The following CYP4A11 variants were observed in gnomAD, a reference collection of about 807,000 sequenced individuals.
CYP4A11 encodes cytochrome P450 family 4 subfamily A member 11, also known as cytochrome P450 4A11.
A neutral mutation model predicts 57.7 loss-of-function variants in CYP4A11; 52 were observed. That is an observed-to-expected ratio of 0.90 (90% CI 0.72 to 1.14). The LOEUF (loss-of-function observed/expected upper bound fraction) is 1.14. Ranked by LOEUF, CYP4A11 falls within the 50% of genes most tolerant of loss-of-function variation. CYP4A11 has a pLI of 0.00. For missense variants in CYP4A11, 641 were observed against 642.1 expected (o/e 1.00, Z 0.02); for synonymous variants, 228 against 247.1 (o/e 0.92, Z 0.72).
chr1:46,941,106 G>T lies in CYP4A11; in HGVS notation c.195+133C>A, dbSNP rs563956851. ...ATGACTGGGAAAAGCTGAGACCAGA[G>T]AGGTAGGCTGGGTGTTCCTTTGAGT... On this transcript the variant is annotated intron_variant, in intron 1 of 11. Transcript: ENST00000310638. 14 of 1,431,804 alleles carry T rather than the reference G, an allele frequency of 9.8e-6. No homozygotes were observed. In the African/African-American group the frequency reaches 1.6e-4, roughly 16 times the overall value. 88.7% of individuals were successfully genotyped at this position (1,431,804 alleles called of 1,614,324 possible). A position where few individuals can be genotyped will look rare whatever the true frequency, so the allele number is the denominator to read the frequency against.
Position 46,937,997 on chromosome 1 carries a change from T to C in CYP4A11, c.336A>G (p.Ser112=). Reference sequence around the variant, plus strand: ...GTTGGGATGGGGGTTCGATCTCACCTGATCTCCCCAGAATCACCTTCATAT... The same window carrying C: ...GTTGGGATGGGGGTTCGATCTCACCCGATCTCCCCAGAATCACCTTCATAT... The part of the protein sequence containing the change: ...PDYMKVILGR[S]DPKSHGSYRF... The change falls in exon 2 of 12, where the codon TCA becomes TCG. Residue 112 remains serine (S), a splice_region_variant and synonymous_variant. Coordinates refer to ENST00000310638, the MANE Select transcript of CYP4A11 (RefSeq NM_000778.4). 1 of 1,614,092 alleles carries C rather than the reference T, an allele frequency of 6.2e-7. No homozygotes were observed. The highest frequency in any genetic ancestry group is 8.5e-7 in the Non-Finnish European group (1 of 1,180,016).
intron 3 of CYP4A11, 24 bp from the exon 4 acceptor site, chr1:46,936,815 T>TTGTGTG (rs35456301): frequency 4.1e-6 from 6 of 1,449,684 alleles, no homozygotes; most frequent in African/African-American, 1.4e-5. Context: ...GAATGTGTGT[T>TTGTGTG]TGTGTGTGTG....
At chr1:46,940,053 C>T (rs1022470279) in intron 1 of CYP4A11, among the ~76,000 whole-genome samples, 7 of 151,960 alleles carry the variant, frequency 4.6e-5, no homozygotes, top group East Asian at 3.9e-4. Context: ...TCCATGCAGC[C>T]GTTTACCTGC....
At chr1:46,940,342 A>G (rs1397868574) in intron 1 of CYP4A11, among the ~76,000 whole-genome samples, 2 of 152,220 alleles carry the variant, frequency 1.3e-5, no homozygotes, top group Non-Finnish European at 2.9e-5. Flanking sequence ...GTGTTGGGCC[A>G]CATTCAAAGC....
Position 46,941,462 on chromosome 1 carries a change from C to G in CYP4A11, c.-29G>C, listed in dbSNP as rs886764580. On this transcript the variant is annotated 5_prime_UTR_variant, in exon 1 of 12. Coordinates refer to ENST00000310638, the MANE Select transcript of CYP4A11 (RefSeq NM_000778.4). The stretch of plus-strand genomic sequence containing the variant: ...GCAGCACCTGCTGGATCTCTGAGTG[C>G]CCCTACCTCTCTCTGACCACCCCCG... The G allele has an allele frequency of 6.2e-7, 1 of 1,605,510 alleles. No homozygotes were observed. The highest frequency in any genetic ancestry group is 8.5e-7 in the Non-Finnish European group (1 of 1,174,390).
intron 2 of CYP4A11, 64 bp downstream of exon 2, chr1:46,937,932 C>G: frequency 1.3e-6 from 2 of 1,593,942 alleles, no homozygotes; most frequent in Non-Finnish European, 1.7e-6. Context: ...TGGAATTTTA[C>G]AGACCCAGGA....
rs900693133 is a variant in CYP4A11 at position 46,930,076 on chromosome 1, A to G, written c.*39T>C. 3 of 1,579,332 alleles carry G rather than the reference A, an allele frequency of 1.9e-6. No homozygotes were observed. Among genetic ancestry groups the G allele is most frequent in the Admixed American group, 1.7e-5 (1 of 57,504 alleles). On this transcript the variant is annotated 3_prime_UTR_variant, in exon 12 of 12. Transcript: ENST00000310638. ...ATATGGGCAGACAGGAAGGGGACAG[A>G]AGCGGGGGTCAGGAAGACAGGACGG...
In CYP4A11 at chr1:46,937,320, A is replaced by AT; in HGVS notation, c.363dup (p.Phe122IlefsTer32). Reference sequence around the variant, plus strand: ...CACATACCAATCCATGGAGCCAGGAATCTGTAGGAACCATGGGATTTCGGG... The same window carrying AT: ...CACATACCAATCCATGGAGCCAGGAATTCTGTAGGAACCATGGGATTTCGGG... On this transcript the variant is annotated frameshift_variant, in exon 3 of 12. Coordinates refer to ENST00000310638, the MANE Select transcript of CYP4A11 (RefSeq NM_000778.4). LOFTEE classifies it high-confidence loss of function. 3 of 1,614,130 alleles carry AT rather than the reference A, an allele frequency of 1.9e-6. No homozygotes were observed. In the Admixed American group the frequency reaches 5.0e-5, roughly 27 times the overall value.
intron 4 of CYP4A11, among the ~76,000 whole-genome samples, chr1:46,936,443 A>G (rs1164593268): frequency 6.6e-6 from 1 of 152,210 alleles, no homozygotes; most frequent in East Asian, 1.9e-4. Context: ...ATGAATCTCT[A>G]TTCCTATGGT....
chr1:46,932,441 A>C, intron 11 of CYP4A11: 1 of 1,174,874 alleles, frequency 8.5e-7, no homozygotes, highest in Non-Finnish European at 1.1e-6. Context: ...TTTACTGGAG[A>C]ATATCTAATT....
At chr1:46,938,570 T>C (rs1557560305) in intron 1 of CYP4A11, among the ~76,000 whole-genome samples, 1 of 152,214 alleles carries the variant, frequency 6.6e-6, no homozygotes, top group Non-Finnish European at 1.5e-5. Flanking sequence ...TCCCAGCATA[T>C]ACGGTAAATA....
In CYP4A11 at chr1:46,930,031, G is replaced by GTGGGCAGACAGAAAACAGGATA; in HGVS notation, c.*62_*83dup. 2 of 1,469,794 alleles carry GTGGGCAGACAGAAAACAGGATA rather than the reference G, an allele frequency of 1.4e-6. No homozygotes were observed. Among genetic ancestry groups the GTGGGCAGACAGAAAACAGGATA allele is most frequent in the Non-Finnish European group, 1.8e-6 (2 of 1,098,776 alleles). 91.0% of individuals were successfully genotyped at this position (1,469,794 alleles called of 1,614,324 possible). ...AGCAGGCAGGTGGGAAGAAGGGAAG[G>GTGGGCAGACAGAAAACAGGATA]TGGGCAGACAGAAAACAGGATATGG... On this transcript the variant is annotated 3_prime_UTR_variant, in exon 12 of 12. Coordinates refer to ENST00000310638, the MANE Select transcript of CYP4A11 (RefSeq NM_000778.4).
rs1350178106 is a variant in CYP4A11 at position 46,937,309 on chromosome 1, T to C, written c.375A>G (p.Pro125=). The C allele has an allele frequency of 1.2e-6, 2 of 1,614,016 alleles. No homozygotes were observed. The highest frequency in any genetic ancestry group is 1.1e-5 in the South Asian group (1 of 91,050). The change falls in exon 3 of 12, where the codon CCA becomes CCG. Residue 125 remains proline, a synonymous_variant. Coordinates refer to ENST00000310638, the MANE Select transcript of CYP4A11 (RefSeq NM_000778.4). ...KSHGSYRFLA[P]WIGYGLLLLN... is the part of the protein sequence containing the mutation. ...CCTAGTTTGCACACATACCAATCCATGGAGCCAGGAATCTGTAGGAACCAT... is the reference window on the plus strand; with the variant it reads ...CCTAGTTTGCACACATACCAATCCACGGAGCCAGGAATCTGTAGGAACCAT...
Position 46,929,926 on chromosome 1 carries a change from G to C in CYP4A11, c.*189C>G, listed in dbSNP as rs1457460481. 7 of 771,034 alleles carry C rather than the reference G, an allele frequency of 9.1e-6. No homozygotes were observed. The highest frequency in any genetic ancestry group is 1.2e-5 in the Non-Finnish European group (6 of 491,898). 47.8% of individuals were successfully genotyped at this position (771,034 alleles called of 1,614,324 possible). A position where few individuals can be genotyped will look rare whatever the true frequency, so the allele number is the denominator to read the frequency against. On this transcript the variant is annotated 3_prime_UTR_variant, in exon 12 of 12. Transcript: ENST00000310638. ...AGCTTTTCTCCCAACAAGAGATACA[G>C]GTGGGTAGGAGACAGGTAGACAAGC...
Position 46,938,093 on chromosome 1 carries a change from C to T in CYP4A11, c.240G>A (p.Glu80=), listed in dbSNP as rs1185490565. ...AATGAGGACAGGCACTTGGGAATGT[C>T]TCCACCCATTTCTGAATCCGTTGTA... ...QELQRIQKWV[E]TFPSACPHWL... is the part of the protein sequence containing the mutation. Residue 80 remains glutamate, a synonymous_variant, in exon 2 of 12, where the codon GAG becomes GAA. Transcript: ENST00000310638. The T allele has an allele frequency of 6.2e-7, 1 of 1,614,106 alleles. No homozygotes were observed. Among genetic ancestry groups the T allele is most frequent in the East Asian group, 2.2e-5 (1 of 44,898 alleles).
chr1:46,938,582 T>G (rs1414062069), intron 1 of CYP4A11, among the ~76,000 whole-genome samples: 1 of 152,236 alleles, frequency 6.6e-6, no homozygotes, highest in Non-Finnish European at 1.5e-5. Flanking sequence ...CGGTAAATAT[T>G]TGTTAAGATA....
intron 8 of CYP4A11, 48 bp from the exon 9 acceptor site, chr1:46,934,127 G>A (rs776535664): frequency 6.2e-7 from 1 of 1,609,108 alleles, no homozygotes; most frequent in Non-Finnish European, 8.5e-7. Flanking sequence ...GCAGACCAGG[G>A]GCCCCTGTGG....
At chr1:46,936,820 TGTG>T in intron 3 of CYP4A11, 29 bp from the exon 4 acceptor site, 1 of 251,094 alleles carries the variant, frequency 4.0e-6, no homozygotes, top group Non-Finnish European at 6.3e-6. Context: ...TGTGTTTGTG[TGTG>T]TGTGTGTGTG....
intron 9 of CYP4A11, among the ~76,000 whole-genome samples, chr1:46,933,558 G>A (rs143107576): frequency 0.012 from 1,844 of 152,260 alleles, 23 homozygotes; most frequent in South Asian, 0.046. Context: ...TCAACCTGAG[G>A]GTTCCTCAGA....
Sources: gnomAD v4.1 joint callset for allele counts (sites outside exome capture counted in the v4.1 genomes callset) on GRCh38, gnomAD v4.1.1 for gene constraint, MANE v1.5 for transcripts, NCBI Gene and HGNC (gene_info 2026-07-23, HGNC 2026-07-21) for gene names.